Variants in ELAVL4 observed in about 807,000 individuals in gnomAD.
ELAVL4 encodes the protein ELAV-like protein 4.
ELAVL4 carries 1 observed loss-of-function variant against 35.6 expected under a neutral mutation model. That is an observed-to-expected ratio of 0.03 (90% confidence interval 0.01 to 0.13). The LOEUF is 0.13. Ranked by LOEUF, ELAVL4 falls within the 10% of genes least tolerant of loss-of-function variation. ELAVL4 has a pLI of 1.00. For missense variants in ELAVL4, 267 were observed against 464.9 expected (o/e 0.57, Z 3.91); for synonymous variants, 156 against 171.0 (o/e 0.91, Z 0.69).
chr1:50,117,907 G>T (rs1332414114), intron 1 of ELAVL4, among the ~76,000 whole-genome samples: 1 of 151,948 alleles, frequency 6.6e-6, no homozygotes, highest in Admixed American at 6.6e-5. Context: ...GGAATTGTAT[G>T]GCTTTATTAA....
intron 2 of ELAVL4, among the ~76,000 whole-genome samples, chr1:50,166,706 C>T (rs1002216790): frequency 6.6e-6 from 1 of 152,148 alleles, no homozygotes; most frequent in Non-Finnish European, 1.5e-5. Flanking sequence ...CGTGGTAATA[C>T]TAAGAGACAC....
chr1:50,199,539 C>T (rs1208707765), intron 6 of ELAVL4, among the ~76,000 whole-genome samples: 2 of 152,126 alleles, frequency 1.3e-5, no homozygotes, highest in Non-Finnish European at 2.9e-5. Flanking sequence ...AACCCCGTCT[C>T]TACTAAAAAT....
At chr1:50,122,417 C>G (rs1669183257) in intron 1 of ELAVL4, among the ~76,000 whole-genome samples, 1 of 152,078 alleles carries the variant, frequency 6.6e-6, no homozygotes, top group African/African-American at 2.4e-5. Context: ...TAGGCATTCA[C>G]TAAAGATTTA....
intron 2 of ELAVL4, among the ~76,000 whole-genome samples, chr1:50,166,100 G>A (rs1390962210): frequency 4.6e-5 from 7 of 151,836 alleles, no homozygotes. Context: ...ATTAAGGGTG[G>A]ATCTGCCTTT....
chr1:50,170,736 C>T (rs1176870877), intron 2 of ELAVL4, among the ~76,000 whole-genome samples: 1 of 152,134 alleles, frequency 6.6e-6, no homozygotes, highest in Non-Finnish European at 1.5e-5. Flanking sequence ...CCTTGAGTAG[C>T]AAGGTTTTAA....
At chr1:50,134,093 G>A (rs892468185) in intron 1 of ELAVL4, among the ~76,000 whole-genome samples, 2 of 152,076 alleles carry the variant, frequency 1.3e-5, no homozygotes, top group South Asian at 2.1e-4. Flanking sequence ...TTTCTATGTA[G>A]ATTTCTGAAG....
At chr1:50,185,087 A>C (rs962240681) in intron 3 of ELAVL4, among the ~76,000 whole-genome samples, 5 of 152,228 alleles carry the variant, frequency 3.3e-5, no homozygotes, top group African/African-American at 1.2e-4. Context: ...TCCTGATCCC[A>C]GAAAATTCTG....
At chr1:50,089,290 A>C (rs1267682136) in intron 1 of ELAVL4, among the ~76,000 whole-genome samples, 4 of 152,234 alleles carry the variant, frequency 2.6e-5, no homozygotes, top group African/African-American at 4.8e-5. Flanking sequence ...AGATTCTTAA[A>C]AACTGGCTAA....
intron 1 of ELAVL4, among the ~76,000 whole-genome samples, chr1:50,129,732 A>G (rs745904874): frequency 2.0e-5 from 3 of 152,236 alleles, no homozygotes; most frequent in South Asian, 4.2e-4. Flanking sequence ...GTTTTTAAGT[A>G]TACTTTTCTA....
chr1:50,075,636 A>G (rs1221328090), intron 1 of ELAVL4, among the ~76,000 whole-genome samples: 4 of 152,154 alleles, frequency 2.6e-5, no homozygotes, highest in Non-Finnish European at 5.9e-5. Context: ...GCCAGAGTAC[A>G]GGTGGTCCTA....
At chr1:50,163,573 T>C (rs957459830) in intron 2 of ELAVL4, among the ~76,000 whole-genome samples, 20 of 152,170 alleles carry the variant, frequency 1.3e-4, no homozygotes, top group Non-Finnish European at 1.6e-4. Flanking sequence ...ACGCCTGTAA[T>C]ACCAGCACTT....
At chr1:50,084,107 T>A (rs1463260542) in intron 1 of ELAVL4, among the ~76,000 whole-genome samples, 1 of 152,234 alleles carries the variant, frequency 6.6e-6, no homozygotes, top group Non-Finnish European at 1.5e-5. Flanking sequence ...AAAATCAAGT[T>A]TGTGTTTTTC....
intron 1 of ELAVL4, among the ~76,000 whole-genome samples, chr1:50,075,684 C>T (rs575109223): frequency 6.6e-6 from 1 of 152,266 alleles, no homozygotes; most frequent in Admixed American, 6.5e-5. Flanking sequence ...TTTGACTTTA[C>T]GATGGTGTGA....
chr1:50,124,068 T>C (rs900073529), intron 1 of ELAVL4, among the ~76,000 whole-genome samples: 4 of 152,142 alleles, frequency 2.6e-5, no homozygotes, highest in African/African-American at 9.6e-5. Context: ...TCATAATGTG[T>C]TCCCATCAGG....
At chr1:50,155,387 A>G (rs1209103600) in intron 2 of ELAVL4, among the ~76,000 whole-genome samples, 1 of 152,098 alleles carries the variant, frequency 6.6e-6, no homozygotes, top group Non-Finnish European at 1.5e-5. Context: ...CTCTGATTGT[A>G]GAGACACTTG....
chr1:50,144,845 C>A, intron 1 of ELAVL4, 112 bp from the exon 2 acceptor site: 1 of 1,507,774 alleles, frequency 6.6e-7, no homozygotes, highest in Non-Finnish European at 9.1e-7. Flanking sequence ...TCTCTTGCTC[C>A]ATCTTGCTTT....
intron 1 of ELAVL4, among the ~76,000 whole-genome samples, chr1:50,080,858 G>C (rs1447285842): frequency 6.6e-6 from 1 of 152,144 alleles, no homozygotes; most frequent in Non-Finnish European, 1.5e-5. Flanking sequence ...CTAGTTGGAG[G>C]GGTGAGAAGA....
At chr1:50,106,199 A>G (rs939575027), upstream of ELAVL4, 10 of 906,608 alleles carry the variant, frequency 1.1e-5, no homozygotes, top group African/African-American at 9.9e-5. Context: ...TGCGCGGAGT[A>G]GGTAGTTATT....
At chr1:50,169,314 T>G (rs999321000) in intron 2 of ELAVL4, among the ~76,000 whole-genome samples, 4 of 152,094 alleles carry the variant, frequency 2.6e-5, no homozygotes, top group African/African-American at 9.7e-5. Context: ...GGCAGCACCT[T>G]CCCAGACACA....
Sources: allele counts gnomAD v4.1 joint callset (sites outside exome capture counted in the v4.1 genomes callset), GRCh38; gene constraint gnomAD v4.1.1; transcripts MANE v1.5; gene names NCBI Gene and HGNC (gene_info 2026-07-23, HGNC 2026-07-21).